The following COG6 variants were observed in gnomAD, a reference collection of about 807,000 sequenced individuals.
COG6 encodes component of oligomeric golgi complex 6.
Under a neutral mutation model 88.8 loss-of-function variants are expected in COG6, and 74 were observed. That is an observed-to-expected ratio of 0.83 (90% CI 0.69 to 1.01). COG6 has a LOEUF of 1.01. Among genes scored for constraint, COG6 ranks in the 50% least tolerant of loss-of-function variants. The probability of loss-of-function intolerance (pLI) is 0.00; values close to 1 mark genes in which losing one functional copy is unlikely to be tolerated. For missense variants in COG6, 800 were observed against 797.9 expected (o/e 1.00, Z -0.03); for synonymous variants, 286 against 278.7 (o/e 1.03, Z -0.26).
At chr13:39,768,829 G>A (rs557840932) in intron 18 of COG6, among the ~76,000 whole-genome samples, 217 of 152,124 alleles carry the variant, frequency 1.4e-3, no homozygotes, top group African/African-American at 4.7e-3. Context: ...TCTTGCATCT[G>A]CCTGTGCATA....
chr13:39,758,262 G>T (rs1880909079), intron 18 of COG6, among the ~76,000 whole-genome samples: 1 of 151,208 alleles, frequency 6.6e-6, no homozygotes, highest in Admixed American at 6.6e-5. Context: ...GGACGCGGTG[G>T]CTCATGCCTG....
rs1876873884 is a variant in COG6, at chr13:39,689,773, T to C, written c.1023T>C (p.Asn341=). 1 of 1,608,446 alleles carries C rather than the reference T, an allele frequency of 6.2e-7. No individual in the cohort carries two copies. The highest frequency in any genetic ancestry group is 8.5e-7 in the Non-Finnish European group (1 of 1,176,348). ...KHVTTQGVEE[N]IQEVVGHITE... is the part of the protein sequence containing the mutation. Reference sequence around the variant, plus strand: ...CATTAATTTTAGGTGTTGAAGAAAATATTCAAGAAGTTGTTGGGCATATCA... The same window carrying C: ...CATTAATTTTAGGTGTTGAAGAAAACATTCAAGAAGTTGTTGGGCATATCA... The change falls in exon 11 of 19, where the codon AAT becomes AAC. Residue 341 remains asparagine (N), a synonymous_variant. Coordinates refer to ENST00000455146, the MANE Select transcript of COG6 (RefSeq NM_020751.3).
At chr13:39,772,794 C>T (rs568986032) in intron 18 of COG6, among the ~76,000 whole-genome samples, 219 of 152,338 alleles carry the variant, frequency 1.4e-3, no homozygotes, top group Non-Finnish European at 2.6e-3. Context: ...CTTGGGCTCT[C>T]CTGCCCCCAT....
chr13:39,692,317 T>G (rs1249132617), intron 11 of COG6, among the ~76,000 whole-genome samples: 1 of 151,944 alleles, frequency 6.6e-6, no homozygotes, highest in Non-Finnish European at 1.5e-5. Flanking sequence ...AAATCCTTCT[T>G]TTATGTGAAT....
At chr13:39,723,077 T>G (rs1235088338) in intron 15 of COG6, among the ~76,000 whole-genome samples, 2 of 152,096 alleles carry the variant, frequency 1.3e-5, no homozygotes, top group Non-Finnish European at 2.9e-5. Context: ...GTTTTGTTTA[T>G]TAGCAGCTTT....
chr13:39,703,025 CTTGAG>C (rs1877669497), intron 13 of COG6, among the ~76,000 whole-genome samples: 1 of 152,096 alleles, frequency 6.6e-6, no homozygotes, highest in African/African-American at 2.4e-5. Context: ...GCAAAACCAC[CTTGAG>C]TTAATTCAAT....
chr13:39,749,897 T>C (rs1593472338), intron 18 of COG6, among the ~76,000 whole-genome samples: 1 of 152,242 alleles, frequency 6.6e-6, no homozygotes, highest in East Asian at 1.9e-4. Flanking sequence ...AGAGATGTGA[T>C]AGAAAGTATG....
intron 18 of COG6, among the ~76,000 whole-genome samples, chr13:39,772,257 C>T (rs770878019): frequency 3.3e-5 from 5 of 152,202 alleles, no homozygotes; most frequent in Admixed American, 1.3e-4. Context: ...GATTTCCTCT[C>T]CTGACCCACT....
Position 39,743,258 on chromosome 13 carries a change from C to G in COG6, c.1827-7688C>G, listed in dbSNP as rs545299213. Reference sequence around the variant, plus strand: ...AGGCAAGAAATGACTAAGATCAGAGCAGAACTGAAGGACATAGAGACACAA... The same window carrying G: ...AGGCAAGAAATGACTAAGATCAGAGGAGAACTGAAGGACATAGAGACACAA... On this transcript the variant is annotated intron_variant, in intron 18 of 18. Transcript: ENST00000455146. Among the ~76,000 whole-genome samples, 3 of 152,098 alleles carry G rather than the reference C, an allele frequency of 2.0e-5. 1 individual carries two copies. In the South Asian group the frequency reaches 6.2e-4, roughly 32 times the overall value.
intron 18 of COG6, among the ~76,000 whole-genome samples, chr13:39,744,540 A>G (rs1880229420): frequency 6.6e-6 from 1 of 152,150 alleles, no homozygotes; most frequent in Admixed American, 6.6e-5. Context: ...TAGGAATCCA[A>G]CTTACAAGGG....
intron 18 of COG6, among the ~76,000 whole-genome samples, chr13:39,741,945 T>C (rs1365949726): frequency 1.3e-5 from 2 of 152,186 alleles, no homozygotes; most frequent in Non-Finnish European, 2.9e-5. Context: ...GTGGGGTCAA[T>C]ATTCAACATT....
intron 18 of COG6, among the ~76,000 whole-genome samples, chr13:39,743,437 A>T (rs1880160490): frequency 1.3e-5 from 2 of 152,322 alleles, no homozygotes; most frequent in Non-Finnish European, 2.9e-5. Context: ...CACTGATACC[A>T]CAGACATACA....
chr13:39,713,212 T>C (rs1033799659), intron 13 of COG6, among the ~76,000 whole-genome samples: 2 of 152,188 alleles, frequency 1.3e-5, no homozygotes, highest in African/African-American at 4.8e-5. Flanking sequence ...CTTATAGGAA[T>C]TTCTGTATTA....
At chr13:39,756,784 G>T (rs531700492), downstream of COG6, among the ~76,000 whole-genome samples, 152 of 152,152 alleles carry the variant, frequency 1.0e-3, no homozygotes, top group African/African-American at 3.2e-3. Flanking sequence ...TCTGTATCTG[G>T]CAAAACTGTG....
chr13:39,740,007 A>G (rs1879963771), intron 18 of COG6, among the ~76,000 whole-genome samples: 1 of 152,168 alleles, frequency 6.6e-6, no homozygotes, highest in African/African-American at 2.4e-5. Context: ...CTTTATTATA[A>G]TAGTCACAGG....
chr13:39,708,143 A>G (rs1878042542), intron 13 of COG6, among the ~76,000 whole-genome samples: 2 of 152,046 alleles, frequency 1.3e-5, no homozygotes, highest in Admixed American at 6.6e-5. Flanking sequence ...GTGATGAACA[A>G]TTTTTCATGT....
At position 39,719,755 on chromosome 13, in the gene COG6, A is replaced by G; in HGVS notation, c.1512A>G (p.Ser504=). Residue 504 remains serine (S), a synonymous_variant, in exon 15 of 19, where the codon TCA becomes TCG. Transcript: ENST00000455146. ...TADMATFMVN[S]LYMMKTTLAL... ...ACATGGCCACTTTCATGGTCAATTC[A>G]CTATATATGATGAAGACAACATTAG... 1.9e-6 allele frequency: 3 copies of G among 1,612,544 alleles called. No homozygotes were observed. The highest frequency in any genetic ancestry group is 2.5e-6 in the Non-Finnish European group (3 of 1,178,822).
At chr13:39,685,339 A>G (rs1876574055) in intron 8 of COG6, among the ~76,000 whole-genome samples, 1 of 152,164 alleles carries the variant, frequency 6.6e-6, no homozygotes, top group Non-Finnish European at 1.5e-5. Flanking sequence ...TCATGTCTAA[A>G]GATATTGAAG....
chr13:39,672,607 A>G (rs1002132320), intron 4 of COG6, among the ~76,000 whole-genome samples: 2 of 152,140 alleles, frequency 1.3e-5, no homozygotes, highest in Admixed American at 1.3e-4. Flanking sequence ...ATAGTATTCC[A>G]TTGTATAGCA....
Sources: gnomAD v4.1 joint callset for allele counts (sites outside exome capture counted in the v4.1 genomes callset) on GRCh38, gnomAD v4.1.1 for gene constraint, MANE v1.5 for transcripts, NCBI Gene and HGNC (gene_info 2026-07-23, HGNC 2026-07-21) for gene names.